The following PPM1E variants were observed in gnomAD, a reference collection of about 807,000 sequenced individuals.
PPM1E encodes the protein protein phosphatase, Mg2+/Mn2+ dependent 1E.
A neutral mutation model predicts 65.9 loss-of-function variants in PPM1E; 20 were observed. The observed-to-expected ratio is 0.30, with a 90% CI of 0.21 to 0.44. PPM1E has a LOEUF of 0.44. Ranked by LOEUF, PPM1E falls within the 20% of genes least tolerant of loss-of-function variation. The pLI, the probability that PPM1E is intolerant of heterozygous loss-of-function variation, is 1.00. For synonymous variants in PPM1E, 352 were observed against 374.9 expected (o/e 0.94, Z 0.70); for missense variants, 713 against 953.1 (o/e 0.75, Z 3.32).
At chr17:58,823,982 A>G (rs1261375551) in intron 1 of PPM1E, among the ~76,000 whole-genome samples, 1 of 152,100 alleles carries the variant, frequency 6.6e-6, no homozygotes, top group Non-Finnish European at 1.5e-5. Flanking sequence ...TGCCTGCCTC[A>G]GCCTCCCAAA....
chr17:58,972,818 G>T lies in PPM1E; in HGVS notation c.1117-14G>T. 1 of 1,602,864 alleles carries T rather than the reference G, an allele frequency of 6.2e-7. No individual in the cohort carries two copies. The highest frequency in any genetic ancestry group is 1.7e-4 in the Middle Eastern group (1 of 6,034). Reference sequence around the variant, plus strand: ...ATCCAGTTATTTGCTTCTTTTTATTGCATTGCTGTTTAGGATGAAAAGCAG... The same window carrying T: ...ATCCAGTTATTTGCTTCTTTTTATTTCATTGCTGTTTAGGATGAAAAGCAG... On this transcript the variant is annotated splice_polypyrimidine_tract_variant and intron_variant, in intron 5 of 6. Transcript: ENST00000308249.
At chr17:58,784,497 C>G (rs1208901986) in intron 1 of PPM1E, among the ~76,000 whole-genome samples, 1 of 148,646 alleles carries the variant, frequency 6.7e-6, no homozygotes, top group Non-Finnish European at 1.5e-5. Flanking sequence ...CCTCCTCCCC[C>G]CCACCACTTT....
chr17:58,933,745 G>A (rs1358668858), intron 1 of PPM1E, among the ~76,000 whole-genome samples: 3 of 149,924 alleles, frequency 2.0e-5, no homozygotes, highest in South Asian at 2.1e-4. Flanking sequence ...TCAGTGAGCC[G>A]AGATCGCACC....
At chr17:58,830,908 C>T (rs1471987407) in intron 1 of PPM1E, among the ~76,000 whole-genome samples, 2 of 151,928 alleles carry the variant, frequency 1.3e-5, no homozygotes, top group East Asian at 1.9e-4. Context: ...TGGTCTCAAA[C>T]TCTTATCCTC....
At chr17:58,760,177 G>A (rs1379546164) in intron 1 of PPM1E, among the ~76,000 whole-genome samples, 2 of 151,878 alleles carry the variant, frequency 1.3e-5, no homozygotes, top group African/African-American at 4.8e-5. Flanking sequence ...CTTTTGTCTG[G>A]TTGACTTATT....
At chr17:58,761,680 A>T (rs1234265242) in intron 1 of PPM1E, among the ~76,000 whole-genome samples, 1 of 152,100 alleles carries the variant, frequency 6.6e-6, no homozygotes, top group Non-Finnish European at 1.5e-5. Context: ...TCTGTTTAAC[A>T]CCTCTTCCTT....
chr17:58,800,354 A>G (rs1218178722), intron 1 of PPM1E, among the ~76,000 whole-genome samples: 1 of 152,138 alleles, frequency 6.6e-6, no homozygotes, highest in East Asian at 1.9e-4. Context: ...ATCTTTGTTC[A>G]TGAAGGATAT....
At chr17:58,970,293 TAA>T (rs923784415) in intron 4 of PPM1E, among the ~76,000 whole-genome samples, 24 of 152,214 alleles carry the variant, frequency 1.6e-4, no homozygotes, top group African/African-American at 5.5e-4. Context: ...TAATCAGACC[TAA>T]GTTTTTTTTA....
chr17:58,923,604 G>T (rs1057362467), intron 1 of PPM1E, among the ~76,000 whole-genome samples: 1 of 151,834 alleles, frequency 6.6e-6, no homozygotes, highest in Non-Finnish European at 1.5e-5. Context: ...AATTAGCCAG[G>T]TGTGGTGGCA....
intron 1 of PPM1E, among the ~76,000 whole-genome samples, chr17:58,936,553 A>G (rs956749593): frequency 6.6e-6 from 1 of 152,170 alleles, no homozygotes; most frequent in African/African-American, 2.4e-5. Context: ...CCACATTGCC[A>G]ATGTCAGGAA....
In PPM1E at chr17:58,906,079, T is replaced by A. The variant is rs115002563; in HGVS notation, c.465-49570T>A. Reference sequence around the variant, plus strand: ...GAATTGATTCATTTCATCTAAGTTATCAAATTTGTATCAATTAATTTGTAT... The same window carrying A: ...GAATTGATTCATTTCATCTAAGTTAACAAATTTGTATCAATTAATTTGTAT... On this transcript the variant is annotated intron_variant, in intron 1 of 6. Transcript: ENST00000308249. Among the ~76,000 whole-genome samples, 685 of 152,306 alleles carry A rather than the reference T, an allele frequency of 4.5e-3. 3 individuals carry two copies. The highest frequency in any genetic ancestry group is 0.016 in the African/African-American group (649 of 41,576).
chr17:58,766,603 GTA>G (rs35952000), intron 1 of PPM1E, among the ~76,000 whole-genome samples: 20,899 of 140,266 alleles, frequency 0.15, 2,198 homozygotes, highest in East Asian at 0.32. Flanking sequence ...ATATGTGTGT[GTA>G]TACACACACA....
At chr17:58,815,141 ATTAACT>A (rs930506486) in intron 1 of PPM1E, among the ~76,000 whole-genome samples, 9 of 152,334 alleles carry the variant, frequency 5.9e-5, no homozygotes, top group African/African-American at 1.9e-4. Context: ...CTTTTACCAG[ATTAACT>A]TTAATTAGGT....
At chr17:58,907,893 T>C (rs922687481) in intron 1 of PPM1E, among the ~76,000 whole-genome samples, 3 of 152,222 alleles carry the variant, frequency 2.0e-5, no homozygotes, top group African/African-American at 7.2e-5. Context: ...AGTGGATTTC[T>C]TGTAGACAAC....
intron 1 of PPM1E, among the ~76,000 whole-genome samples, chr17:58,941,519 C>G (rs548020846): frequency 2.1e-4 from 32 of 150,618 alleles, no homozygotes; most frequent in Admixed American, 8.7e-4. Context: ...ATGGTGAAAC[C>G]CCATCTCTAC....
chr17:58,912,414 G>A (rs998948253), intron 1 of PPM1E, among the ~76,000 whole-genome samples: 2 of 152,188 alleles, frequency 1.3e-5, no homozygotes, highest in African/African-American at 4.8e-5. Context: ...ACTGTCTGAA[G>A]AACATTTGTT....
chr17:58,756,145 G>A lies in PPM1E; in HGVS notation c.148G>A (p.Glu50Lys). Residue 50 changes from glutamate to lysine, a missense_variant, in exon 1 of 7, where the codon GAA becomes AAA. Around this residue, in one of 6 missense-constraint regions of PPM1E, gnomAD observed 212 missense variants for 204.0 expected, o/e 1.04. Coordinates refer to ENST00000308249, the MANE Select transcript of PPM1E (RefSeq NM_014906.5). ...EPEPESEPEPEPELVEAEAAE... is the reference protein window; with the variant it reads ...EPEPESEPEPKPELVEAEAAE... Reference sequence around the variant, plus strand: ...CGAACCCGAGTCCGAGCCCGAGCCCGAACCTGAACTGGTAGAAGCTGAGGC... The same window carrying A: ...CGAACCCGAGTCCGAGCCCGAGCCCAAACCTGAACTGGTAGAAGCTGAGGC... The A allele has an allele frequency of 6.3e-7, 1 of 1,599,384 alleles. No homozygotes were observed. Among genetic ancestry groups the A allele is most frequent in the African/African-American group, 1.3e-5 (1 of 74,956 alleles).
chr17:58,875,218 A>C (rs535830485), intron 1 of PPM1E, among the ~76,000 whole-genome samples: 1 of 152,198 alleles, frequency 6.6e-6, no homozygotes, highest in Non-Finnish European at 1.5e-5. Flanking sequence ...GTTAAATAGC[A>C]TATTGTCTTT....
At chr17:58,890,083 T>G (rs1393431700) in intron 1 of PPM1E, among the ~76,000 whole-genome samples, 1 of 152,212 alleles carries the variant, frequency 6.6e-6, no homozygotes, top group Non-Finnish European at 1.5e-5. Flanking sequence ...ATAGAAGCAT[T>G]GCTCCTAGAG....
Sources: allele counts gnomAD v4.1 joint callset (sites outside exome capture counted in the v4.1 genomes callset), GRCh38; gene constraint gnomAD v4.1.1; regional missense constraint gnomAD v4.1.1; transcripts MANE v1.5; gene names NCBI Gene and HGNC (gene_info 2026-07-23, HGNC 2026-07-21).